The following SRPRA variants were observed in gnomAD, a reference collection of about 807,000 sequenced individuals.
SRPRA encodes the protein SRP receptor subunit alpha.
Under a neutral mutation model 61.1 loss-of-function variants are expected in SRPRA, and 30 were observed. That is an observed-to-expected ratio of 0.49 (90% CI 0.37 to 0.67). The LOEUF is 0.67. Ranked by LOEUF, SRPRA falls within the 30% of genes least tolerant of loss-of-function variation. The probability of loss-of-function intolerance (pLI) is 0.00; values close to 1 mark genes in which losing one functional copy is unlikely to be tolerated. For synonymous variants in SRPRA, 324 were observed against 299.7 expected (o/e 1.08, Z -0.84); for missense variants, 759 against 828.4 (o/e 0.92, Z 1.03).
rs911605165 is a variant in SRPRA, at chr11:126,263,770, G to C, written c.*146C>G. 3.5e-6 allele frequency: 4 copies of C among 1,127,882 alleles called. No individual in the cohort carries two copies. Among genetic ancestry groups the C allele is most frequent in the African/African-American group, 3.1e-5 (2 of 64,200 alleles). 69.9% of individuals were successfully genotyped at this position (1,127,882 alleles called of 1,614,324 possible). On this transcript the variant is annotated 3_prime_UTR_variant, in exon 14 of 14. Coordinates refer to ENST00000332118, the MANE Select transcript of SRPRA (RefSeq NM_003139.4). ...AGATGGCGGCTGTGCTGAACGGGGA[G>C]TGGGGTTGGAAGGAGCCACAAGCCC... is the stretch of plus-strand genomic sequence containing the variant.
chr11:126,239,425 G>A, the SRPRA span, among the ~76,000 whole-genome samples: 2 of 152,272 alleles, frequency 1.3e-5, no homozygotes, highest in African/African-American at 4.8e-5. Context: ...TTTTCTATGT[G>A]TGTGTATATT....
In SRPRA at chr11:126,264,963, A is replaced by G. The variant is rs1950777133; in HGVS notation, c.1521T>C (p.Ala507=). 1 of 1,613,772 alleles carries G rather than the reference A, an allele frequency of 6.2e-7. No homozygotes were observed. The highest frequency in any genetic ancestry group is 2.2e-5 in the East Asian group (1 of 44,876). Residue 507 remains alanine (A), a synonymous_variant, in exon 11 of 14, where the codon GCT becomes GCC. Coordinates refer to ENST00000332118, the MANE Select transcript of SRPRA (RefSeq NM_003139.4). This position sits in a 1 kb window ranked among gnomAD's most constrained non-coding sequence, Gnocchi z 5.0. ...DAAGIAMEAI[A]FARNQGFDVV... is the part of the protein sequence containing the mutation. ...CACACTTCCCATGCACTGTACCAAA[A>G]GCAATGGCTTCCATGGCAATGCCAG...
At position 126,265,371 on chromosome 11, in the gene SRPRA, A is replaced by G. The variant is rs749945197; in HGVS notation, c.1208T>C (p.Val403Ala). ...LVQILQPQRRVDMLRDIMDAQ... is the reference protein window; with the variant it reads ...LVQILQPQRRADMLRDIMDAQ... The stretch of plus-strand genomic sequence containing the variant: ...ATCCATGATGTCCCGGAGCATGTCT[A>G]CACGACGCTGTGGCTGCAGAATCTG... Residue 403 changes from valine to alanine, a missense_variant, in exon 10 of 14, where the codon GTA (valine) becomes GCA (alanine). Around this residue, in one of 2 missense-constraint regions of SRPRA, gnomAD observed 284 missense variants for 365.9 expected, o/e 0.78. Coordinates refer to ENST00000332118, the MANE Select transcript of SRPRA (RefSeq NM_003139.4). This position sits in a 1 kb window ranked among gnomAD's most constrained non-coding sequence, Gnocchi z 6.3. The G allele has an allele frequency of 1.1e-5, 18 of 1,613,990 alleles. No individual in the cohort carries two copies. The highest frequency in any genetic ancestry group is 1.7e-5 in the Admixed American group (1 of 60,016).
chr11:126,237,923 T>C, the SRPRA span, among the ~76,000 whole-genome samples: 1 of 152,030 alleles, frequency 6.6e-6, no homozygotes, highest in Non-Finnish European at 1.5e-5. Context: ...TTAATTTTTT[T>C]TTCTCCTTCC....
the SRPRA span, among the ~76,000 whole-genome samples, chr11:126,256,258 T>G: frequency 6.6e-6 from 1 of 152,186 alleles, no homozygotes; most frequent in South Asian, 2.1e-4. This position sits in a 1 kb window ranked among gnomAD's most constrained non-coding sequence, Gnocchi z 6.6. Flanking sequence ...AGAGTGAGAC[T>G]CCGTCTCAAA....
At chr11:126,238,319 G>A in the SRPRA span, among the ~76,000 whole-genome samples, 1 of 152,104 alleles carries the variant, frequency 6.6e-6, no homozygotes, top group South Asian at 2.1e-4. Flanking sequence ...CCAAGATTAC[G>A]AGATTCCATC....
Position 126,267,400 on chromosome 11 carries a change from A to G in SRPRA, c.366-65T>C, listed in dbSNP as rs1184076960. On this transcript the variant is annotated intron_variant, in intron 3 of 13. Coordinates refer to ENST00000332118, the MANE Select transcript of SRPRA (RefSeq NM_003139.4). This position sits in a 1 kb window ranked among gnomAD's most constrained non-coding sequence, Gnocchi z 4.2. The stretch of plus-strand genomic sequence containing the variant: ...CAGAAGGAAAAATAACGGTCCAGAG[A>G]AAGGACTCTCACACCCAAGAGGACA... 1 of 1,600,126 alleles carries G rather than the reference A, an allele frequency of 6.2e-7. No individual in the cohort carries two copies. The highest frequency in any genetic ancestry group is 8.5e-7 in the Non-Finnish European group (1 of 1,173,146).
At chr11:126,250,198 T>TCAGCTGTGTGTGTGTGTGAGG in the SRPRA span, among the ~76,000 whole-genome samples, 1 of 151,860 alleles carries the variant, frequency 6.6e-6, no homozygotes, top group African/African-American at 2.4e-5. The surrounding 1 kb of genome is among the most constrained non-coding windows in gnomAD (Gnocchi z 5.1). Flanking sequence ...TTCACACCAT[T>TCAGCTGTGTGTGTGTGTGAGG]CTCCTGCCTC....
chr11:126,250,152 C>T, the SRPRA span, among the ~76,000 whole-genome samples: 3 of 150,318 alleles, frequency 2.0e-5, no homozygotes, highest in South Asian at 4.2e-4. The surrounding 1 kb of genome is among the most constrained non-coding windows in gnomAD (Gnocchi z 5.1). Flanking sequence ...AGTGCAGTGA[C>T]GCGATCTCGG....
In SRPRA at chr11:126,267,463, A is replaced by G; in HGVS notation, c.365+86T>C. The G allele has an allele frequency of 6.3e-7, 1 of 1,590,496 alleles. No individual in the cohort carries two copies. Among genetic ancestry groups the G allele is most frequent in the East Asian group, 2.2e-5 (1 of 44,700 alleles). ...TAGCAAATTAGGAATGTCTTTGAAC[A>G]CATCAATTTACCACCTTTGAACCAC... On this transcript the variant is annotated intron_variant, in intron 3 of 13. Transcript: ENST00000332118. This position sits in a 1 kb window ranked among gnomAD's most constrained non-coding sequence, Gnocchi z 4.2.
At chr11:126,256,886 G>A in the SRPRA span, 10 of 1,574,216 alleles carry the variant, frequency 6.4e-6, no homozygotes, top group Non-Finnish European at 8.6e-6. The surrounding 1 kb of genome is among the most constrained non-coding windows in gnomAD (Gnocchi z 6.6). Context: ...GGGAATCAGA[G>A]AACAACAGCT....
In SRPRA at chr11:126,266,586, C is replaced by CT; in HGVS notation, c.729dup (p.Ala244SerfsTer12). On this transcript the variant is annotated frameshift_variant, in exon 6 of 14. Coordinates refer to ENST00000332118, the MANE Select transcript of SRPRA (RefSeq NM_003139.4). LOFTEE classifies it high-confidence loss of function. ...CCACCCAGTTCCCACACCCGGGGTG[C>CT]TTTTTTGCCCTTCTCCTTTGGAGCA... 1 of 1,614,208 alleles carries CT rather than the reference C, an allele frequency of 6.2e-7. No homozygotes were observed. Among genetic ancestry groups the CT allele is most frequent in the Non-Finnish European group, 8.5e-7 (1 of 1,180,032 alleles).
chr11:126,261,564 G>A (rs1950699963), downstream of SRPRA: 1 of 1,244,758 alleles, frequency 8.0e-7, no homozygotes, highest in Non-Finnish European at 1.2e-6. Flanking sequence ...TATAGAGAAT[G>A]TTACTTTGGA....
intron 5 of SRPRA, 51 bp downstream of exon 5, chr11:126,266,712 C>T (rs1033644718): frequency 1.9e-6 from 3 of 1,609,434 alleles, no homozygotes; most frequent in Non-Finnish European, 2.5e-6. Context: ...CCCTTGCACC[C>T]ATTGTGTCTA....
the SRPRA span, chr11:126,250,520 T>G: frequency 1.9e-6 from 3 of 1,613,306 alleles, no homozygotes; most frequent in Non-Finnish European, 2.5e-6. This position sits in a 1 kb window ranked among gnomAD's most constrained non-coding sequence, Gnocchi z 5.1. Flanking sequence ...CCAGTAATGT[T>G]CGATCCACAT....
chr11:126,265,235 A>C lies in SRPRA; in HGVS notation c.1311+33T>G, dbSNP rs1402854073. ...GATTTTGAGACACAAGAAGTACAGA[A>C]ATATCAGCGATAGGCTGGGGAACTG... On this transcript the variant is annotated intron_variant, in intron 10 of 13. Transcript: ENST00000332118. The surrounding 1 kb of genome is among the most constrained non-coding windows in gnomAD (Gnocchi z 6.3). 2.5e-6 allele frequency: 4 copies of C among 1,613,694 alleles called. No individual in the cohort carries two copies. Among genetic ancestry groups the C allele is most frequent in the Middle Eastern group, 1.6e-4 (1 of 6,062 alleles).
downstream of SRPRA, among the ~76,000 whole-genome samples, chr11:126,259,148 G>A (rs1433961888): frequency 1.3e-5 from 2 of 152,200 alleles, no homozygotes; most frequent in South Asian, 2.1e-4. Flanking sequence ...ATTTTGAAAC[G>A]AGTCAACCTT....
At chr11:126,262,230 C>A, downstream of SRPRA, 1 of 1,345,250 alleles carries the variant, frequency 7.4e-7, no homozygotes, top group African/African-American at 1.4e-5. Flanking sequence ...ACACAATTCC[C>A]AGAAAGTAAC....
chr11:126,247,091 G>A, the SRPRA span, among the ~76,000 whole-genome samples: 1 of 152,158 alleles, frequency 6.6e-6, no homozygotes, highest in Non-Finnish European at 1.5e-5. Context: ...CCAGAAGTTT[G>A]AGAACAGCTT....
Sources: gnomAD v4.1 joint callset for allele counts (sites outside exome capture counted in the v4.1 genomes callset) on GRCh38, gnomAD v4.1.1 for gene constraint, gnomAD v4.1.1 regional missense constraint, Gnocchi (gnomAD v3.1) non-coding constraint, MANE v1.5 for transcripts, NCBI Gene and HGNC (gene_info 2026-07-23, HGNC 2026-07-21) for gene names.